Variants in FAM83B observed in about 807,000 individuals in gnomAD.
FAM83B encodes protein FAM83B.
Under a neutral mutation model 38.8 loss-of-function variants are expected in FAM83B, and 26 were observed. The ratio of observed to expected loss-of-function variants is 0.67; its 90% CI spans 0.49 to 0.93. FAM83B has a LOEUF of 0.93. Ranked by LOEUF, FAM83B falls within the 40% of genes least tolerant of loss-of-function variation. FAM83B has a pLI of 0.00. For missense variants in FAM83B, 1,237 were observed against 1,197.3 expected (o/e 1.03, Z -0.49); for synonymous variants, 419 against 423.1 (o/e 0.99, Z 0.12).
chr6:54,903,330 G>A (rs776205832), intron 2 of FAM83B, among the ~76,000 whole-genome samples: 5 of 152,158 alleles, frequency 3.3e-5, no homozygotes, highest in Non-Finnish European at 5.9e-5. Context: ...AGTTGGACCG[G>A]CATGGCAAAA....
intron 1 of FAM83B, among the ~76,000 whole-genome samples, chr6:54,860,577 G>C (rs989570462): frequency 1.3e-5 from 2 of 152,166 alleles, no homozygotes; most frequent in Non-Finnish European, 2.9e-5. Context: ...ACTGACATAT[G>C]TATCAATAAA....
At position 54,940,938 on chromosome 6, in the gene FAM83B, C is replaced by G. The variant is rs117554306; in HGVS notation, c.1967C>G (p.Thr656Ser). The change falls in exon 5 of 5, where the codon ACT becomes AGT. Residue 656 changes from threonine (T) to serine (S), a missense_variant. Transcript: ENST00000306858. ...KQTENLKNQQ[T>S]ENLLKRRSFP... ...ACAGAAAATCTAAAGAATCAACAGACTGAGAATCTACTTAAAAGGCGAAGT... is the reference window on the plus strand; with the variant it reads ...ACAGAAAATCTAAAGAATCAACAGAGTGAGAATCTACTTAAAAGGCGAAGT... The G allele has an allele frequency of 1.2e-6, 2 of 1,613,312 alleles. No homozygotes were observed. The highest frequency in any genetic ancestry group is 2.7e-5 in the African/African-American group (2 of 74,820).
intron 1 of FAM83B, among the ~76,000 whole-genome samples, chr6:54,860,987 G>A (rs1455116917): frequency 2.0e-5 from 3 of 152,156 alleles, no homozygotes; most frequent in Non-Finnish European, 2.9e-5. Context: ...TCATGTTATG[G>A]TCTTGAACTC....
intron 2 of FAM83B, among the ~76,000 whole-genome samples, chr6:54,872,628 A>G (rs1771885215): frequency 6.6e-6 from 1 of 152,208 alleles, no homozygotes; most frequent in African/African-American, 2.4e-5. Context: ...TTTTTGGGCT[A>G]GCACCCACTG....
Position 54,870,346 on chromosome 6 carries a change from AT to A in FAM83B, c.102del (p.Leu35Ter). 1 of 1,614,036 alleles carries A rather than the reference AT, an allele frequency of 6.2e-7. No homozygotes were observed. Among genetic ancestry groups the A allele is most frequent in the Non-Finnish European group, 8.5e-7 (1 of 1,179,916 alleles). On this transcript the variant is annotated frameshift_variant, in exon 2 of 5. Transcript: ENST00000306858. LOFTEE classifies it high-confidence loss of function. ...GGAATGGTATCGAGTAGCCATTGAT[AT>A]TCTGATTGAACACGGGTTAGAAGCA... ...YKEWYRVAID[I>X]LIEHGLEAYQ... is the part of the protein sequence containing the mutation.
At chr6:54,912,886 G>T (rs1054807881) in intron 2 of FAM83B, among the ~76,000 whole-genome samples, 1 of 151,996 alleles carries the variant, frequency 6.6e-6, no homozygotes, top group African/African-American at 2.4e-5. Context: ...ATAAACAGGA[G>T]ATTAGGTAGA....
chr6:54,874,195 CT>C (rs1253826625), intron 2 of FAM83B, among the ~76,000 whole-genome samples: 1 of 151,838 alleles, frequency 6.6e-6, no homozygotes, highest in African/African-American at 2.4e-5. Flanking sequence ...AAAATCTATA[CT>C]TTTTTACTTA....
chr6:54,914,499 G>C (rs541448864), intron 2 of FAM83B, among the ~76,000 whole-genome samples: 1 of 151,960 alleles, frequency 6.6e-6, no homozygotes, highest in Non-Finnish European at 1.5e-5. Flanking sequence ...TTTGGATGCT[G>C]TTTGGTCATT....
chr6:54,935,162 TA>T lies in FAM83B; in HGVS notation c.735-4543del, dbSNP rs1581931869. Among the ~76,000 whole-genome samples the T allele has an allele frequency of 2.6e-5, 4 of 152,308 alleles. No individual in the cohort carries two copies. In the East Asian group the frequency reaches 7.7e-4, roughly 29 times the overall value. The stretch of plus-strand genomic sequence containing the variant: ...TTTGAAACTAATAGTTCATTTATAT[TA>T]TCATTTGTTTATTTACAACTAATGT... On this transcript the variant is annotated intron_variant, in intron 4 of 4. Coordinates refer to ENST00000306858, the MANE Select transcript of FAM83B (RefSeq NM_001010872.3).
Position 54,870,478 on chromosome 6 carries a change from G to A in FAM83B, c.232G>A (p.Gly78Ser), listed in dbSNP as rs1161686671. Residue 78 changes from glycine (G) to serine (S), a missense_variant, in exon 2 of 5, where the codon GGT becomes AGT. Gly to Ser is a moderately conservative substitution (Grantham distance 56). Transcript: ENST00000306858. ...GAAAGTTGCACAAAGCACAGCACAT[G>A]GTACTGATGATTCCTGTGATGATAC... The part of the protein sequence containing the change: ...VQKVAQSTAH[G>S]TDDSCDDTLS... The A allele has an allele frequency of 6.2e-7, 1 of 1,613,968 alleles. No homozygotes were observed. Among genetic ancestry groups the A allele is most frequent in the East Asian group, 2.2e-5 (1 of 44,874 alleles).
intron 4 of FAM83B, among the ~76,000 whole-genome samples, chr6:54,933,956 G>A (rs530273743): frequency 2.8e-4 from 43 of 152,206 alleles, no homozygotes; most frequent in African/African-American, 9.9e-4. Context: ...TGTACCATAT[G>A]GGGGAGGAAT....
Position 54,870,159 on chromosome 6 carries a change from T to C in FAM83B, c.-60-28T>C, listed in dbSNP as rs1235060396. On this transcript the variant is annotated intron_variant, in intron 1 of 4. Coordinates refer to ENST00000306858, the MANE Select transcript of FAM83B (RefSeq NM_001010872.3). ...ATTCTGTTACCGAATTTTAACTTGA[T>C]CTTGATTTTCTTCTTTTCAAATACC... 3.0e-6 allele frequency: 3 copies of C among 999,240 alleles called. No homozygotes were observed. The African/African-American group carries it at 4.9e-5, about 16-fold the overall frequency. 61.9% of individuals were successfully genotyped at this position (999,240 alleles called of 1,614,324 possible).
intron 2 of FAM83B, among the ~76,000 whole-genome samples, chr6:54,909,648 C>A (rs78693038): frequency 0.036 from 5,405 of 152,170 alleles, 307 homozygotes; most frequent in African/African-American, 0.12. Context: ...TGGGATACAG[C>A]AATGACTTAG....
At chr6:54,858,948 T>A (rs1771509266) in intron 1 of FAM83B, among the ~76,000 whole-genome samples, 1 of 152,166 alleles carries the variant, frequency 6.6e-6, no homozygotes, top group Non-Finnish European at 1.5e-5. Context: ...TATAAATGGG[T>A]AATATTTTAT....
At chr6:54,875,439 C>A (rs759183191) in intron 2 of FAM83B, among the ~76,000 whole-genome samples, 13 of 152,044 alleles carry the variant, frequency 8.6e-5, no homozygotes, top group Non-Finnish European at 1.3e-4. Flanking sequence ...CAACTCTCAC[C>A]GTGAATTTTG....
chr6:54,867,513 G>T lies in FAM83B; in HGVS notation c.-60-2674G>T, dbSNP rs182043862. The stretch of plus-strand genomic sequence containing the variant: ...TTGTACATAATATTGTAACCTCATT[G>T]TTCATTCTGTTGTATGTTTTGTATA... On this transcript the variant is annotated intron_variant, in intron 1 of 4. Transcript: ENST00000306858. Among the ~76,000 whole-genome samples the T allele has an allele frequency of 4.8e-3, 729 of 152,020 alleles. 6 individuals carry two copies. Among genetic ancestry groups the T allele is most frequent in the Middle Eastern group, 0.014 (4 of 294 alleles).
At chr6:54,928,693 T>A (rs1448886297) in intron 4 of FAM83B, among the ~76,000 whole-genome samples, 1 of 152,172 alleles carries the variant, frequency 6.6e-6, no homozygotes, top group African/African-American at 2.4e-5. Flanking sequence ...CCAGACCCAC[T>A]TGGTTTTGGA....
At chr6:54,909,637 A>C (rs1772860467) in intron 2 of FAM83B, among the ~76,000 whole-genome samples, 1 of 152,206 alleles carries the variant, frequency 6.6e-6, no homozygotes, top group African/African-American at 2.4e-5. Context: ...AGTTAATTGG[A>C]TGGGATACAG....
At position 54,940,701 on chromosome 6, in the gene FAM83B, C is replaced by T. The variant is rs1161986800; in HGVS notation, c.1730C>T (p.Pro577Leu). 1 of 1,613,996 alleles carries T rather than the reference C, an allele frequency of 6.2e-7. No homozygotes were observed. The highest frequency in any genetic ancestry group is 1.1e-5 in the South Asian group (1 of 91,082). Reference sequence around the variant, plus strand: ...ATTGGTTCTCAGGGAAGTGAGACACCTAAAGAGGTCCCAGACACCCCTACG... The same window carrying T: ...ATTGGTTCTCAGGGAAGTGAGACACTTAAAGAGGTCCCAGACACCCCTACG... Reference protein sequence around the residue: ...TIIGSQGSETPKEVPDTPTNV... With the variant: ...TIIGSQGSETLKEVPDTPTNV... Residue 577 changes from proline to leucine, a missense_variant, in exon 5 of 5, where the codon CCT (proline) becomes CTT (leucine). Pro to Leu is a moderately conservative substitution (Grantham distance 98). Transcript: ENST00000306858.
Sources: allele counts gnomAD v4.1 joint callset (sites outside exome capture counted in the v4.1 genomes callset), GRCh38; gene constraint gnomAD v4.1.1; transcripts MANE v1.5; gene names NCBI Gene and HGNC (gene_info 2026-07-23, HGNC 2026-07-21).